OTUB2: variants seen among roughly 807,000 people sequenced by gnomAD.
OTUB2 encodes the protein OTU deubiquitinase, ubiquitin aldehyde binding 2, also known as ubiquitin thioesterase OTUB2.
OTUB2 carries 21 observed loss-of-function variants against 25.1 expected under a neutral mutation model. The observed-to-expected ratio is 0.84, with a 90% CI of 0.59 to 1.21. The LOEUF is 1.21. OTUB2 is among the 50% of genes most tolerant of loss of function. The probability of loss-of-function intolerance (pLI) is 0.00; values close to 1 mark genes in which losing one functional copy is unlikely to be tolerated. For synonymous variants in OTUB2, 122 were observed against 122.8 expected, an observed-to-expected ratio of 0.99 and a Z score of 0.04; for missense variants, 283 against 298.0, an observed-to-expected ratio of 0.95 and a Z score of 0.37.
intron 3 of OTUB2, chr14:94,039,348 A>G (rs1366069982): frequency 7.8e-6 from 4 of 512,418 alleles, no homozygotes; most frequent in African/African-American, 7.7e-5. Context: ...AGCCCAGGTG[A>G]GTCGCAGGGA....
chr14:94,039,234 C>A, intron 3 of OTUB2, 153 bp downstream of exon 3: 1 of 636,410 alleles, frequency 1.6e-6, no homozygotes, highest in Non-Finnish European at 2.7e-6. Flanking sequence ...TGGGGGTGCC[C>A]AGCTGCCTGC....
intron 1 of OTUB2, among the ~76,000 whole-genome samples, chr14:94,026,809 C>G (rs1884872195): frequency 6.6e-6 from 1 of 152,286 alleles, no homozygotes; most frequent in Admixed American, 6.5e-5. Context: ...CCAGGTGGCC[C>G]GGGGCGCCGC....
At chr14:94,031,181 T>C (rs1884954196) in intron 1 of OTUB2, among the ~76,000 whole-genome samples, 1 of 151,510 alleles carries the variant, frequency 6.6e-6, no homozygotes, top group African/African-American at 2.4e-5. Flanking sequence ...GGTGGGAGGA[T>C]TGCTTGAGCC....
chr14:94,030,532 C>T (rs974666608), intron 1 of OTUB2, among the ~76,000 whole-genome samples: 6 of 151,916 alleles, frequency 3.9e-5, no homozygotes, highest in Non-Finnish European at 8.8e-5. Flanking sequence ...AGGGAAGGCC[C>T]GGGCCCAGGT....
Position 94,042,805 on chromosome 14 carries a change from C to T in OTUB2, c.219-1166C>T, listed in dbSNP as rs74689109. 3.3e-3 allele frequency among the ~76,000 whole-genome samples: 501 copies of T among 152,318 alleles called. 1 individual carries two copies. Among genetic ancestry groups the T allele is most frequent in the African/African-American group, 0.011 (470 of 41,576 alleles). On this transcript the variant is annotated intron_variant, in intron 3 of 5. Transcript: ENST00000203664. Reference sequence around the variant, plus strand: ...GGAGGCCTCGTCCTCCCAGGCAGCTCTCCGTTCGCCCTCAGCACCCCTGCA... The same window carrying T: ...GGAGGCCTCGTCCTCCCAGGCAGCTTTCCGTTCGCCCTCAGCACCCCTGCA...
intron 1 of OTUB2, among the ~76,000 whole-genome samples, chr14:94,027,518 C>T (rs1296426883): frequency 6.6e-6 from 1 of 152,232 alleles, no homozygotes; most frequent in African/African-American, 2.4e-5. Context: ...GTCCGCTCTC[C>T]CCCTCAGCAC....
At chr14:94,038,028 C>T (rs577092643) in intron 2 of OTUB2, among the ~76,000 whole-genome samples, 6 of 152,270 alleles carry the variant, frequency 3.9e-5, no homozygotes, top group Non-Finnish European at 5.9e-5. Flanking sequence ...AGGCCCTGGC[C>T]GCTCTCTGCA....
chr14:94,046,752 G>A lies in OTUB2; in HGVS notation c.*830G>A, dbSNP rs1473299603. ...GTCCCATCATCCCCAGCAAATCCTA[G>A]AAGTGGAGTCTGGATACTTCAAGGA... On this transcript the variant is annotated 3_prime_UTR_variant, in exon 6 of 6. Coordinates refer to ENST00000203664, the MANE Select transcript of OTUB2 (RefSeq NM_023112.4). 1.3e-5 allele frequency: 2 copies of A among 152,794 alleles called. No individual in the cohort carries two copies. The highest frequency in any genetic ancestry group is 2.9e-5 in the Non-Finnish European group (2 of 68,142). The allele number at this position is 152,794 out of a possible 1,614,324, so 9.5% of individuals were successfully genotyped here.
At chr14:94,034,663 T>C (rs1885017899) in intron 1 of OTUB2, among the ~76,000 whole-genome samples, 1 of 152,224 alleles carries the variant, frequency 6.6e-6, no homozygotes, top group Non-Finnish European at 1.5e-5. Flanking sequence ...GCACCTGTTA[T>C]CACTTCAGAC....
chr14:94,042,037 T>C (rs1885170806), intron 3 of OTUB2, among the ~76,000 whole-genome samples: 3 of 152,132 alleles, frequency 2.0e-5, no homozygotes, highest in African/African-American at 4.8e-5. Flanking sequence ...AGACACTTGT[T>C]CTCTGCTCAG....
intron 3 of OTUB2, 114 bp from the exon 4 acceptor site, chr14:94,043,857 C>T (rs1242937978): frequency 1.1e-6 from 1 of 918,322 alleles, no homozygotes; most frequent in Non-Finnish European, 1.8e-6. Context: ...GGTTCTGCGG[C>T]TGGACTAGAG....
Position 94,045,594 on chromosome 14 carries a change from T to C in OTUB2, c.499-122T>C, listed in dbSNP as rs541635607. The C allele has an allele frequency of 6.4e-5, 59 of 923,068 alleles. No homozygotes were observed. The African/African-American group carries it at 8.4e-4, about 13-fold the overall frequency. The allele number at this position is 923,068 out of a possible 1,614,324, so 57.2% of individuals were successfully genotyped here. Reference sequence around the variant, plus strand: ...ACGTCCATACCCAACTCATGGGATGTTGTGAAGATGACGTCCCAGCACAGA... The same window carrying C: ...ACGTCCATACCCAACTCATGGGATGCTGTGAAGATGACGTCCCAGCACAGA... On this transcript the variant is annotated intron_variant, in intron 5 of 5. Coordinates refer to ENST00000203664, the MANE Select transcript of OTUB2 (RefSeq NM_023112.4).
chr14:94,037,598 C>A, intron 2 of OTUB2, 123 bp downstream of exon 2: 1 of 522,462 alleles, frequency 1.9e-6, no homozygotes, highest in Non-Finnish European at 3.3e-6. Context: ...GAAAGGATTC[C>A]TAGGATATTT....
chr14:94,039,369 C>T (rs564687379), intron 3 of OTUB2: 65 of 442,114 alleles, frequency 1.5e-4, no homozygotes, highest in Non-Finnish European at 2.1e-4. Context: ...GCAGGTACTT[C>T]GTGACCCACT....
chr14:94,037,209 C>T (rs745962159), intron 1 of OTUB2, among the ~76,000 whole-genome samples, 171 bp from the exon 2 acceptor site: 2 of 152,126 alleles, frequency 1.3e-5, no homozygotes, highest in Admixed American at 6.6e-5. Flanking sequence ...TCTGGAAATG[C>T]GGTGATCCCA....
intron 1 of OTUB2, among the ~76,000 whole-genome samples, chr14:94,027,259 G>T (rs770291383): frequency 1.3e-5 from 2 of 152,220 alleles, no homozygotes; most frequent in Non-Finnish European, 2.9e-5. Flanking sequence ...ACTGATTGTG[G>T]TGGACCTGGG....
chr14:94,033,508 T>C (rs528601315), intron 1 of OTUB2, among the ~76,000 whole-genome samples: 1 of 152,398 alleles, frequency 6.6e-6, no homozygotes, highest in East Asian at 1.9e-4. Flanking sequence ...TGTGTCCTCC[T>C]TCTGCCATTT....
chr14:94,043,864 A>C, intron 3 of OTUB2, 107 bp from the exon 4 acceptor site: 50 of 956,444 alleles, frequency 5.2e-5, no homozygotes, highest in East Asian at 7.2e-5. Context: ...CGGCTGGACT[A>C]GAGATGAGGT....
At position 94,026,551 on chromosome 14, in the gene OTUB2, G is replaced by T; in HGVS notation, c.3+11G>T. ...GCTCTGGTCACTATGGTCAGTGATC[G>T]TGGGGGATCGCGAAGGGGGAGCGGG... On this transcript the variant is annotated intron_variant, in intron 1 of 5. Transcript: ENST00000203664. The T allele has an allele frequency of 8.0e-7, 1 of 1,244,600 alleles. No homozygotes were observed. The highest frequency in any genetic ancestry group is 3.7e-5 in the South Asian group (1 of 27,178). The allele number at this position is 1,244,600 out of a possible 1,614,324, so 77.1% of individuals were successfully genotyped here.
Sources: gnomAD v4.1 joint callset for allele counts (sites outside exome capture counted in the v4.1 genomes callset) on GRCh38, gnomAD v4.1.1 for gene constraint, MANE v1.5 for transcripts, NCBI Gene and HGNC (gene_info 2026-07-23, HGNC 2026-07-21) for gene names.